The following C12orf42 variants were observed in gnomAD, a reference collection of about 807,000 sequenced individuals.
The protein encoded by C12orf42 is chromosome 12 open reading frame 42, also known as uncharacterized protein C12orf42.
C12orf42 carries 25 observed loss-of-function variants against 21.6 expected under a neutral mutation model. The observed-to-expected ratio is 1.16, with a 90% CI of 0.84 to 1.62. C12orf42 has a LOEUF of 1.62. C12orf42 is among the 40% of genes most tolerant of loss of function. The pLI, the probability that C12orf42 is intolerant of heterozygous loss-of-function variation, is 0.00. For synonymous variants in C12orf42, 174 were observed against 175.0 expected, an observed-to-expected ratio of 0.99 and a Z score of 0.05; for missense variants, 483 against 459.3, an observed-to-expected ratio of 1.05 and a Z score of -0.47.
At chr12:103,217,044 TGTTGGCGAGG>T in the C12orf42 span, among the ~76,000 whole-genome samples, 43 of 151,978 alleles carry the variant, frequency 2.8e-4, no homozygotes, top group African/African-American at 1.0e-3. Context: ...GGTTTCACCG[TGTTGGCGAGG>T]GTTGTCTCAA....
At chr12:103,261,325 T>G (rs1459818493) in intron 10 of C12orf42, among the ~76,000 whole-genome samples, 1 of 151,720 alleles carries the variant, frequency 6.6e-6, no homozygotes, top group Non-Finnish European at 1.5e-5. Context: ...AATGTATATA[T>G]ACAAAAATTA....
At chr12:103,480,951 C>T (rs1954425098) in intron 1 of C12orf42, among the ~76,000 whole-genome samples, 1 of 151,644 alleles carries the variant, frequency 6.6e-6, no homozygotes, top group African/African-American at 2.4e-5. Context: ...TTATCTGCTT[C>T]ATCTGTTAAT....
chr12:103,259,098 A>G (rs1311195600), intron 10 of C12orf42, among the ~76,000 whole-genome samples: 1 of 152,222 alleles, frequency 6.6e-6, no homozygotes, highest in East Asian at 1.9e-4. Context: ...TGAATAGGGC[A>G]AAGAACCTAG....
the C12orf42 span, among the ~76,000 whole-genome samples, chr12:103,194,050 C>T: frequency 6.6e-6 from 1 of 151,656 alleles, no homozygotes. Context: ...TGATAGTCCA[C>T]ATTAACAAAT....
chr12:103,074,931 T>C, the C12orf42 span, among the ~76,000 whole-genome samples: 2 of 151,584 alleles, frequency 1.3e-5, no homozygotes, highest in Admixed American at 1.3e-4. Context: ...ACAAAAATAA[T>C]AAAAAAAATT....
At chr12:103,133,460 A>G in the C12orf42 span, among the ~76,000 whole-genome samples, 9 of 152,298 alleles carry the variant, frequency 5.9e-5, no homozygotes, top group African/African-American at 2.2e-4. Flanking sequence ...AAGAACAGGC[A>G]TGCTCATCTC....
At chr12:103,508,487 C>A in the C12orf42 span, among the ~76,000 whole-genome samples, 2 of 152,114 alleles carry the variant, frequency 1.3e-5, no homozygotes, top group East Asian at 3.9e-4. Flanking sequence ...AATTTGAATA[C>A]CCATAACCAA....
chr12:103,080,340 G>A, the C12orf42 span, among the ~76,000 whole-genome samples: 1 of 152,120 alleles, frequency 6.6e-6, no homozygotes, highest in East Asian at 1.9e-4. Context: ...TTTCATAACT[G>A]GTTCTCCAGC....
intron 3 of C12orf42, among the ~76,000 whole-genome samples, chr12:103,373,746 G>C (rs756374773): frequency 6.6e-6 from 1 of 152,146 alleles, no homozygotes; most frequent in African/African-American, 2.4e-5. Context: ...TTCTAAATTG[G>C]TTTTGCTGAA....
chr12:103,379,909 A>C (rs991910702), intron 3 of C12orf42, among the ~76,000 whole-genome samples: 1 of 152,258 alleles, frequency 6.6e-6, no homozygotes, highest in African/African-American at 2.4e-5. Context: ...CATGGATTTA[A>C]GCAAGAAAAT....
the C12orf42 span, among the ~76,000 whole-genome samples, chr12:103,509,670 T>C: frequency 6.6e-6 from 1 of 152,260 alleles, no homozygotes; most frequent in East Asian, 1.9e-4. Flanking sequence ...CTTTCAGAGG[T>C]CACTCCTGCA....
At chr12:103,379,495 T>A (rs2045985910) in intron 3 of C12orf42, among the ~76,000 whole-genome samples, 2 of 152,144 alleles carry the variant, frequency 1.3e-5, no homozygotes, top group Admixed American at 1.3e-4. Flanking sequence ...TAGATCAACA[T>A]CTCCTTGACA....
chr12:103,092,817 A>G, the C12orf42 span, among the ~76,000 whole-genome samples: 2 of 151,576 alleles, frequency 1.3e-5, no homozygotes, highest in Non-Finnish European at 2.9e-5. Context: ...AAGTGGCCAA[A>G]CCCTTTTCCT....
chr12:103,400,023 A>C (rs536691454), intron 3 of C12orf42, among the ~76,000 whole-genome samples: 1 of 152,336 alleles, frequency 6.6e-6, no homozygotes, highest in East Asian at 1.9e-4. Flanking sequence ...TATAAAACAA[A>C]TAATACGAAA....
chr12:103,058,717 C>A, the C12orf42 span, among the ~76,000 whole-genome samples: 1 of 152,258 alleles, frequency 6.6e-6, no homozygotes, highest in Admixed American at 6.5e-5. Context: ...GAGCAACCTG[C>A]TCCTGAATGA....
chr12:103,299,860 AG>A (rs1320731715), downstream of C12orf42, among the ~76,000 whole-genome samples: 1 of 152,232 alleles, frequency 6.6e-6, no homozygotes, highest in Admixed American at 6.5e-5. Context: ...TGACGATGAC[AG>A]AGTTGAAAAT....
chr12:103,161,934 C>T, the C12orf42 span, among the ~76,000 whole-genome samples: 1 of 152,308 alleles, frequency 6.6e-6, no homozygotes, highest in East Asian at 1.9e-4. Context: ...CTCCATTCCA[C>T]ACCAGTTTGT....
intron 2 of C12orf42, among the ~76,000 whole-genome samples, chr12:103,444,163 C>T (rs1462511948): frequency 2.0e-5 from 3 of 151,884 alleles, no homozygotes; most frequent in Admixed American, 6.6e-5. Flanking sequence ...ATTATTAATG[C>T]CAACTTTGTT....
At chr12:103,080,088 T>C in the C12orf42 span, among the ~76,000 whole-genome samples, 1 of 152,164 alleles carries the variant, frequency 6.6e-6, no homozygotes, top group Non-Finnish European at 1.5e-5. Flanking sequence ...ATTTATGCAC[T>C]TGGCTATGAC....
Sources: gnomAD v4.1 joint callset for allele counts (sites outside exome capture counted in the v4.1 genomes callset) on GRCh38, gnomAD v4.1.1 for gene constraint, MANE v1.5 for transcripts, NCBI Gene and HGNC (gene_info 2026-07-23, HGNC 2026-07-21) for gene names.